Variants in DOCK3 observed in about 807,000 individuals in gnomAD.
The protein encoded by DOCK3 is dedicator of cytokinesis 3.
Under a neutral mutation model 265.6 loss-of-function variants are expected in DOCK3, and 60 were observed. That is an observed-to-expected ratio of 0.23 (90% CI 0.18 to 0.28). DOCK3 has a LOEUF of 0.28. DOCK3 is among the 10% of genes least tolerant of loss of function. DOCK3 has a pLI of 1.00. For synonymous variants in DOCK3, 881 were observed against 938.0 expected, an observed-to-expected ratio of 0.94 and a Z score of 1.11; for missense variants, 1,981 against 2,594.3, an observed-to-expected ratio of 0.76 and a Z score of 5.14.
At chr3:50,936,329 A>T (rs2051358016) in intron 5 of DOCK3, among the ~76,000 whole-genome samples, 1 of 151,602 alleles carries the variant, frequency 6.6e-6, no homozygotes, top group African/African-American at 2.4e-5. Context: ...AAGATGTAAC[A>T]CTGTAGCCTC....
intron 4 of DOCK3, among the ~76,000 whole-genome samples, chr3:50,929,874 A>T (rs1049853478): frequency 1.3e-5 from 2 of 152,230 alleles, no homozygotes; most frequent in Non-Finnish European, 2.9e-5. Context: ...AATGAAAATT[A>T]AAGTTTAAGA....
At chr3:50,873,547 A>C (rs1256929944) in intron 3 of DOCK3, among the ~76,000 whole-genome samples, 1 of 152,180 alleles carries the variant, frequency 6.6e-6, no homozygotes, top group Non-Finnish European at 1.5e-5. Flanking sequence ...TAGCTACCCT[A>C]GCTGTTATCT....
At chr3:51,016,574 T>TATATA (rs1415994269) in intron 5 of DOCK3, among the ~76,000 whole-genome samples, 3 of 91,580 alleles carry the variant, frequency 3.3e-5, no homozygotes, top group African/African-American at 1.4e-4. Context: ...TATATATATA[T>TATATA]TTATATATAT....
chr3:51,074,865 T>A (rs1001917448), intron 6 of DOCK3, among the ~76,000 whole-genome samples: 1 of 152,014 alleles, frequency 6.6e-6, no homozygotes, highest in South Asian at 2.1e-4. Flanking sequence ...AAATAAAAAA[T>A]TAAATAAATG....
intron 27 of DOCK3, among the ~76,000 whole-genome samples, chr3:51,288,202 G>A (rs752814284): frequency 6.6e-5 from 10 of 152,102 alleles, no homozygotes; most frequent in Non-Finnish European, 1.3e-4. Context: ...GACCAGCCTG[G>A]TCAACATGGT....
intron 51 of DOCK3, among the ~76,000 whole-genome samples, chr3:51,377,127 C>T (rs568719907): frequency 1.4e-4 from 21 of 152,362 alleles, no homozygotes; most frequent in African/African-American, 4.3e-4. Flanking sequence ...GACACATTAG[C>T]GCTTCAGGCC....
intron 2 of DOCK3, among the ~76,000 whole-genome samples, chr3:50,802,867 T>C (rs533396053): frequency 2.6e-5 from 4 of 152,172 alleles, no homozygotes; most frequent in Admixed American, 6.5e-5. Flanking sequence ...TCATTAAACA[T>C]GTTTTCCCCA....
At chr3:51,105,134 G>A (rs781303078) in intron 9 of DOCK3, among the ~76,000 whole-genome samples, 5 of 152,214 alleles carry the variant, frequency 3.3e-5, no homozygotes, top group Non-Finnish European at 5.9e-5. Flanking sequence ...AGCATTTGAT[G>A]TTGTTATAGT....
chr3:50,861,158 C>G (rs1056390849), intron 3 of DOCK3, among the ~76,000 whole-genome samples: 25 of 152,168 alleles, frequency 1.6e-4, no homozygotes, highest in African/African-American at 5.1e-4. Flanking sequence ...TCTCCTGGCT[C>G]TATGTTGCTC....
chr3:50,717,659 G>C (rs2037204511), intron 1 of DOCK3, among the ~76,000 whole-genome samples: 1 of 152,110 alleles, frequency 6.6e-6, no homozygotes, highest in Non-Finnish European at 1.5e-5. Context: ...GTCTCACTCT[G>C]TTCCTCAAGC....
chr3:50,878,467 G>A (rs1376660994), intron 3 of DOCK3, among the ~76,000 whole-genome samples: 1 of 152,176 alleles, frequency 6.6e-6, no homozygotes, highest in African/African-American at 2.4e-5. Flanking sequence ...CATGGCACGA[G>A]AACGATGTGA....
intron 19 of DOCK3, among the ~76,000 whole-genome samples, chr3:51,231,319 C>T (rs771569436): frequency 4.0e-5 from 6 of 151,330 alleles, no homozygotes; most frequent in South Asian, 2.1e-4. Flanking sequence ...AGTAGAGACA[C>T]GGTTTTGCCA....
At chr3:51,378,769 A>G (rs2088348497) in intron 51 of DOCK3, among the ~76,000 whole-genome samples, 1 of 152,098 alleles carries the variant, frequency 6.6e-6, no homozygotes, top group Admixed American at 6.5e-5. Context: ...TGTCATCCCA[A>G]CTGTGGCTGA....
chr3:51,380,705 G>T (rs556177461), intron 52 of DOCK3, among the ~76,000 whole-genome samples: 10 of 152,252 alleles, frequency 6.6e-5, no homozygotes, highest in East Asian at 1.9e-4. Flanking sequence ...TCTGGTCCAC[G>T]GCCCACCAGG....
At chr3:50,799,629 T>C (rs1240808853) in intron 2 of DOCK3, among the ~76,000 whole-genome samples, 1 of 152,184 alleles carries the variant, frequency 6.6e-6, no homozygotes, top group African/African-American at 2.4e-5. Flanking sequence ...GGTTTTTGTA[T>C]ATATAAGATC....
intron 4 of DOCK3, among the ~76,000 whole-genome samples, chr3:50,928,208 C>T (rs921807552): frequency 2.0e-5 from 3 of 151,072 alleles, no homozygotes; most frequent in Non-Finnish European, 4.4e-5. Context: ...GCATCAAATA[C>T]ATTCACAATG....
intron 5 of DOCK3, among the ~76,000 whole-genome samples, chr3:50,984,073 A>C (rs571578832): frequency 6.6e-6 from 1 of 151,638 alleles, no homozygotes; most frequent in South Asian, 2.1e-4. Context: ...CAGACCCCAC[A>C]CTTGCTCACA....
intron 2 of DOCK3, among the ~76,000 whole-genome samples, chr3:50,811,727 T>G (rs2043770454): frequency 6.6e-6 from 1 of 152,200 alleles, no homozygotes; most frequent in Non-Finnish European, 1.5e-5. Context: ...CAGTTATATT[T>G]AGTGGCTCAC....
intron 3 of DOCK3, among the ~76,000 whole-genome samples, chr3:50,874,394 T>C (rs2047595435): frequency 1.3e-5 from 2 of 151,912 alleles, no homozygotes; most frequent in South Asian, 4.1e-4. Context: ...TAGTCCCAGC[T>C]ACCTGGGAGG....
Sources: gnomAD v4.1 joint callset for allele counts (sites outside exome capture counted in the v4.1 genomes callset) on GRCh38, gnomAD v4.1.1 for gene constraint, MANE v1.5 for transcripts, NCBI Gene and HGNC (gene_info 2026-07-23, HGNC 2026-07-21) for gene names.